The following CSMD1 variants were observed in gnomAD, a reference collection of about 807,000 sequenced individuals.
CSMD1 encodes CUB and sushi domain-containing protein 1.
In CSMD1, 213 loss-of-function variants were observed where a neutral mutation model predicts 417.5. That is an observed-to-expected ratio of 0.51 (90% confidence interval 0.46 to 0.57). The LOEUF is 0.57. CSMD1 is among the 20% of genes least tolerant of loss of function. CSMD1 has a pLI of 0.00. For missense variants in CSMD1, 6,923 were observed against 4,529.7 expected (o/e 1.53, Z -15.17); for synonymous variants, 2,862 against 1,736.8 (o/e 1.65, Z -16.11).
intron 1 of CSMD1, among the ~76,000 whole-genome samples, chr8:4,829,599 G>A (rs983700667): frequency 6.6e-6 from 1 of 151,968 alleles, no homozygotes; most frequent in African/African-American, 2.4e-5. Context: ...CAATTAGCTG[G>A]GCACAGTGGT....
intron 5 of CSMD1, among the ~76,000 whole-genome samples, chr8:3,805,545 G>C (rs1428616357): frequency 2.6e-5 from 4 of 152,226 alleles, no homozygotes; most frequent in Non-Finnish European, 5.9e-5. Flanking sequence ...CAGTGGAAAA[G>C]ATTTTTTGTT....
chr8:4,975,988 A>C lies in CSMD1; in HGVS notation c.85+18344T>G, dbSNP rs904816044. 2.0e-5 allele frequency among the ~76,000 whole-genome samples: 3 copies of C among 152,206 alleles called. No homozygotes were observed. The East Asian group carries it at 5.8e-4, about 29-fold the overall frequency. On this transcript the variant is annotated intron_variant, in intron 1 of 69. Transcript: ENST00000635120. ...TGCTTGAAAAAGAAATAGGTGTACA[A>C]CAGACACTCAACCCTTTCTGGTTTG... is the stretch of plus-strand genomic sequence containing the variant.
chr8:3,238,981 G>T (rs550899810), intron 26 of CSMD1, among the ~76,000 whole-genome samples: 1 of 152,068 alleles, frequency 6.6e-6, no homozygotes, highest in African/African-American at 2.4e-5. Flanking sequence ...AAGTTTTTTG[G>T]GGCACAGTCA....
intron 3 of CSMD1, among the ~76,000 whole-genome samples, chr8:4,406,299 T>G (rs1310319929): frequency 2.6e-5 from 4 of 152,028 alleles, no homozygotes; most frequent in African/African-American, 9.7e-5. Context: ...AACAAACCCT[T>G]TGCAATTGGG....
intron 7 of CSMD1, among the ~76,000 whole-genome samples, chr8:3,696,027 A>G (rs989167734): frequency 2.6e-5 from 4 of 152,188 alleles, no homozygotes; most frequent in Non-Finnish European, 5.9e-5. Flanking sequence ...TACCATTTGT[A>G]TATTTGCACA....
chr8:4,964,098 T>C (rs1428362077), intron 1 of CSMD1, among the ~76,000 whole-genome samples: 1 of 152,064 alleles, frequency 6.6e-6, no homozygotes, highest in Admixed American at 6.6e-5. Context: ...TTATTTTTTT[T>C]ACTTTCTCAA....
intron 29 of CSMD1, among the ~76,000 whole-genome samples, chr8:3,217,907 T>C (rs1179650691): frequency 2.0e-5 from 3 of 152,224 alleles, no homozygotes; most frequent in Non-Finnish European, 4.4e-5. Context: ...TATAAATATT[T>C]TCATTTTTTA....
chr8:3,799,686 C>T (rs1250187715), intron 5 of CSMD1, among the ~76,000 whole-genome samples: 1 of 151,710 alleles, frequency 6.6e-6, no homozygotes, highest in Non-Finnish European at 1.5e-5. Flanking sequence ...GCTTCCTTAT[C>T]TGACAGTTAA....
At chr8:3,752,038 T>C (rs1430917276) in intron 6 of CSMD1, among the ~76,000 whole-genome samples, 2 of 152,158 alleles carry the variant, frequency 1.3e-5, no homozygotes, top group Non-Finnish European at 2.9e-5. Flanking sequence ...AGAATTTCTC[T>C]ACCAGACCAC....
intron 1 of CSMD1, among the ~76,000 whole-genome samples, chr8:4,662,587 A>G (rs368462386): frequency 1.1e-3 from 160 of 152,304 alleles, no homozygotes; most frequent in African/African-American, 3.8e-3. Context: ...CATGTGCCCA[A>G]CAATGCCAGT....
intron 3 of CSMD1, among the ~76,000 whole-genome samples, chr8:4,246,310 A>G (rs1802706000): frequency 6.6e-6 from 1 of 152,080 alleles, no homozygotes; most frequent in South Asian, 2.1e-4. Flanking sequence ...TGCTTAGCAT[A>G]TTGGCCTCCA....
intron 3 of CSMD1, among the ~76,000 whole-genome samples, chr8:4,291,183 T>C (rs1269328203): frequency 6.6e-6 from 1 of 152,094 alleles, no homozygotes; most frequent in Non-Finnish European, 1.5e-5. Flanking sequence ...TGTTGCATAA[T>C]TATACATTAT....
intron 7 of CSMD1, among the ~76,000 whole-genome samples, chr8:3,662,842 G>A (rs983311855): frequency 3.9e-5 from 6 of 152,004 alleles, no homozygotes; most frequent in Non-Finnish European, 8.8e-5. Flanking sequence ...CTGTCGGTGG[G>A]TAGGGGGAAA....
intron 28 of CSMD1, among the ~76,000 whole-genome samples, chr8:3,221,209 A>T (rs28416291): frequency 0.19 from 29,035 of 151,946 alleles, 2,948 homozygotes; most frequent in East Asian, 0.26. Flanking sequence ...CATTATGCCA[A>T]CCTGTTTTGG....
chr8:3,725,580 G>C (rs943549535), intron 6 of CSMD1, among the ~76,000 whole-genome samples: 3 of 152,126 alleles, frequency 2.0e-5, no homozygotes, highest in African/African-American at 4.8e-5. Context: ...CAGTTGAGGA[G>C]AGAGGAAGCC....
At chr8:4,303,653 T>C (rs889888647) in intron 3 of CSMD1, among the ~76,000 whole-genome samples, 2 of 152,038 alleles carry the variant, frequency 1.3e-5, no homozygotes, top group Admixed American at 1.3e-4. Context: ...TTTCACTTTT[T>C]TATTTTTTAT....
intron 46 of CSMD1, among the ~76,000 whole-genome samples, chr8:3,102,617 A>G (rs904038609): frequency 6.6e-6 from 1 of 152,342 alleles, no homozygotes; most frequent in African/African-American, 2.4e-5. Flanking sequence ...GTCATCATGC[A>G]AAGATAACAG....
chr8:3,104,971 G>C (rs112774256), intron 46 of CSMD1, among the ~76,000 whole-genome samples: 18,680 of 152,254 alleles, frequency 0.12, 1,492 homozygotes, highest in Non-Finnish European at 0.18. Context: ...CTCACAGAAT[G>C]CTGGGATTAC....
intron 1 of CSMD1, among the ~76,000 whole-genome samples, chr8:4,881,930 T>C (rs1803429561): frequency 6.6e-6 from 1 of 152,020 alleles, no homozygotes; most frequent in Admixed American, 6.6e-5. Flanking sequence ...GGGTTCTTCT[T>C]GCAGGGAGAA....
Sources: gnomAD v4.1 joint callset for allele counts (sites outside exome capture counted in the v4.1 genomes callset) on GRCh38, gnomAD v4.1.1 for gene constraint, MANE v1.5 for transcripts, NCBI Gene and HGNC (gene_info 2026-07-23, HGNC 2026-07-21) for gene names.